IFI27L1: variants seen among roughly 807,000 people sequenced by gnomAD.
IFI27L1 encodes interferon alpha inducible protein 27 like 1.
Under a neutral mutation model 9.2 loss-of-function variants are expected in IFI27L1, and 3 were observed. The ratio of observed to expected loss-of-function variants is 0.32; its 90% CI spans 0.15 to 0.84. The LOEUF (loss-of-function observed/expected upper bound fraction) is 0.84. IFI27L1 is among the 40% of genes least tolerant of loss of function. The pLI, the probability that IFI27L1 is intolerant of heterozygous loss-of-function variation, is 0.56. For synonymous variants in IFI27L1, 53 were observed against 50.0 expected (o/e 1.06, Z -0.26); for missense variants, 133 against 134.2 (o/e 0.99, Z 0.05).
chr14:94,098,195 C>T (rs1288559106), intron 2 of IFI27L1, among the ~76,000 whole-genome samples: 1 of 152,198 alleles, frequency 6.6e-6, no homozygotes, highest in African/African-American at 2.4e-5. Context: ...TACTTTCTCA[C>T]CGTTCTGGAG....
At chr14:94,082,819 C>T (rs1403413015) in intron 1 of IFI27L1, among the ~76,000 whole-genome samples, 1 of 152,194 alleles carries the variant, frequency 6.6e-6, no homozygotes, top group African/African-American at 2.4e-5. Flanking sequence ...CATAGTCACA[C>T]GAGAGCTCTA....
intron 1 of IFI27L1, among the ~76,000 whole-genome samples, chr14:94,095,883 G>A (rs918917176): frequency 6.6e-6 from 1 of 152,192 alleles, no homozygotes; most frequent in South Asian, 2.1e-4. Flanking sequence ...AAAGAGCTCT[G>A]AATCCAGCAG....
chr14:94,095,362 CT>C (rs2139270554), intron 1 of IFI27L1, among the ~76,000 whole-genome samples: 1 of 152,250 alleles, frequency 6.6e-6, no homozygotes, highest in South Asian at 2.1e-4. Context: ...ATCCATATTT[CT>C]TTTTATGAAA....
chr14:94,087,574 T>G (rs1470831061), intron 1 of IFI27L1, among the ~76,000 whole-genome samples: 2 of 152,038 alleles, frequency 1.3e-5, no homozygotes, highest in Non-Finnish European at 2.9e-5. Context: ...TTACAGGCAC[T>G]CGCCACCACA....
intron 1 of IFI27L1, among the ~76,000 whole-genome samples, chr14:94,095,951 G>A (rs1449428650): frequency 6.6e-6 from 1 of 152,178 alleles, no homozygotes; most frequent in Non-Finnish European, 1.5e-5. Context: ...GAATATAGTG[G>A]ACTCACATTT....
intron 1 of IFI27L1, among the ~76,000 whole-genome samples, chr14:94,085,440 T>C (rs775861922): frequency 6.6e-6 from 1 of 152,220 alleles, no homozygotes; most frequent in African/African-American, 2.4e-5. Context: ...GTGAGCTCAA[T>C]TGACCTTAGC....
At chr14:94,098,873 A>G (rs1448786639) in intron 2 of IFI27L1, among the ~76,000 whole-genome samples, 1 of 152,202 alleles carries the variant, frequency 6.6e-6, no homozygotes, top group Non-Finnish European at 1.5e-5. Context: ...TGCTCTCATT[A>G]TCTTACACAT....
chr14:94,097,874 A>G (rs1286132537), intron 2 of IFI27L1, among the ~76,000 whole-genome samples: 1 of 152,182 alleles, frequency 6.6e-6, no homozygotes, highest in Non-Finnish European at 1.5e-5. Context: ...GGTGCTTCTC[A>G]GATACCCAAG....
chr14:94,099,020 G>C (rs1886787197), intron 2 of IFI27L1, among the ~76,000 whole-genome samples: 2 of 152,228 alleles, frequency 1.3e-5, no homozygotes, highest in Non-Finnish European at 2.9e-5. Context: ...AAGGAGCAAA[G>C]CAAAGTGAGG....
chr14:94,089,944 T>C (rs1043064212), intron 1 of IFI27L1, among the ~76,000 whole-genome samples: 1 of 152,218 alleles, frequency 6.6e-6, no homozygotes, highest in African/African-American at 2.4e-5. Context: ...CAAAAGGTGA[T>C]ATCTGGAAGA....
At chr14:94,088,470 A>G (rs1304145442) in intron 1 of IFI27L1, among the ~76,000 whole-genome samples, 1 of 149,564 alleles carries the variant, frequency 6.7e-6, no homozygotes, top group Non-Finnish European at 1.5e-5. Flanking sequence ...ACATCAGCTT[A>G]GACCCTCCTC....
intron 3 of IFI27L1, chr14:94,101,341 C>G (rs1180736541): frequency 9.2e-6 from 2 of 218,268 alleles, no homozygotes; most frequent in East Asian, 2.2e-4. Flanking sequence ...AGATGGCTCT[C>G]TGACTGCACT....
chr14:94,095,748 C>T (rs986219193), intron 1 of IFI27L1, among the ~76,000 whole-genome samples: 1 of 152,128 alleles, frequency 6.6e-6, no homozygotes, highest in African/African-American at 2.4e-5. Flanking sequence ...CACCAAGCCA[C>T]CATGAGGGAT....
intron 2 of IFI27L1, 56 bp from the exon 3 acceptor site, chr14:94,100,683 C>T (rs546190465): frequency 2.5e-6 from 4 of 1,606,990 alleles, no homozygotes; most frequent in Non-Finnish European, 3.4e-6. Context: ...AGAGTACCCA[C>T]TCCCATAGGT....
intron 1 of IFI27L1, among the ~76,000 whole-genome samples, chr14:94,083,420 T>C (rs1486894929): frequency 6.6e-6 from 1 of 152,208 alleles, no homozygotes; most frequent in East Asian, 1.9e-4. Context: ...TTTGAGAGGA[T>C]TGACTACAAT....
intron 2 of IFI27L1, chr14:94,100,248 G>C (rs1886842126): frequency 1.0e-6 from 1 of 984,880 alleles, no homozygotes; most frequent in Non-Finnish European, 1.2e-6. Flanking sequence ...AGTGATGGGA[G>C]GATTGAGGCT....
intron 1 of IFI27L1, among the ~76,000 whole-genome samples, chr14:94,090,837 T>C (rs1475906391): frequency 2.6e-5 from 4 of 152,240 alleles, no homozygotes; most frequent in Admixed American, 2.0e-4. Flanking sequence ...ATTGTACTTA[T>C]GCAGATAACT....
At chr14:94,089,956 T>C (rs895256927) in intron 1 of IFI27L1, among the ~76,000 whole-genome samples, 2 of 152,218 alleles carry the variant, frequency 1.3e-5, no homozygotes, top group Non-Finnish European at 2.9e-5. Context: ...TCTGGAAGAT[T>C]AGTAAGTGTT....
chr14:94,100,870 C>T, intron 3 of IFI27L1, 99 bp downstream of exon 3: 2 of 1,298,018 alleles, frequency 1.5e-6, no homozygotes, highest in South Asian at 2.4e-5. Context: ...CAGGATTCTC[C>T]AAGACATAGC....
Sources: gnomAD v4.1 joint callset for allele counts (sites outside exome capture counted in the v4.1 genomes callset) on GRCh38, gnomAD v4.1.1 for gene constraint, MANE v1.5 for transcripts, NCBI Gene and HGNC (gene_info 2026-07-23, HGNC 2026-07-21) for gene names.